NRCAM: variants seen among roughly 807,000 people sequenced by gnomAD.
NRCAM encodes the protein neuronal cell adhesion molecule.
Under a neutral mutation model 156.5 loss-of-function variants are expected in NRCAM, and 83 were observed. The observed-to-expected ratio is 0.53, with a 90% CI of 0.44 to 0.64. The LOEUF is 0.64. Among genes scored for constraint, NRCAM ranks in the 30% least tolerant of loss-of-function variants. The pLI is 0.00. For synonymous variants in NRCAM, 538 were observed against 563.9 expected, an observed-to-expected ratio of 0.95 and a Z score of 0.65; for missense variants, 1,417 against 1,597.3, an observed-to-expected ratio of 0.89 and a Z score of 1.92.
intron 4 of NRCAM, among the ~76,000 whole-genome samples, chr7:108,239,267 G>A (rs1373861850): frequency 6.6e-6 from 1 of 152,100 alleles, no homozygotes; most frequent in African/African-American, 2.4e-5. Context: ...AGTAGCTGTT[G>A]TTTGCTCCAT....
In NRCAM at chr7:108,415,604, G is replaced by A. The variant is rs558317522; in HGVS notation, c.-331-16011C>T. Among the ~76,000 whole-genome samples, 264 of 152,332 alleles carry A rather than the reference G, an allele frequency of 1.7e-3. 1 individual carries two copies. Among genetic ancestry groups the A allele is most frequent in the African/African-American group, 5.4e-3 (223 of 41,574 alleles). Reference sequence around the variant, plus strand: ...TACCCATAAAAAGGAGAAGAAGGCCGGGCGCAGTGGCTCATGCCTGTATCC... The same window carrying A: ...TACCCATAAAAAGGAGAAGAAGGCCAGGCGCAGTGGCTCATGCCTGTATCC... On this transcript the variant is annotated intron_variant, in intron 1 of 32. Transcript: ENST00000379028.
At chr7:108,436,108 T>C (rs1304822128) in intron 1 of NRCAM, among the ~76,000 whole-genome samples, 1 of 152,228 alleles carries the variant, frequency 6.6e-6, no homozygotes, top group Non-Finnish European at 1.5e-5. Flanking sequence ...CACTCCAGCC[T>C]GGGCGACAGA....
At chr7:108,436,440 CT>C (rs1198743789) in intron 1 of NRCAM, among the ~76,000 whole-genome samples, 1 of 152,010 alleles carries the variant, frequency 6.6e-6, no homozygotes, top group African/African-American at 2.4e-5. Context: ...GAGCTGTGGC[CT>C]TTAAGAGATA....
intron 3 of NRCAM, among the ~76,000 whole-genome samples, chr7:108,295,772 C>T (rs2098442038): frequency 6.6e-6 from 1 of 152,154 alleles, no homozygotes; most frequent in African/African-American, 2.4e-5. Context: ...CTAAACAGTC[C>T]ATCTTCATGA....
At chr7:108,152,412 T>TG (rs1181230700) in intron 32 of NRCAM, among the ~76,000 whole-genome samples, 3 of 150,832 alleles carry the variant, frequency 2.0e-5, no homozygotes, top group East Asian at 3.9e-4. Context: ...TTGGTGTGGC[T>TG]GGGGGGAGGG....
intron 1 of NRCAM, among the ~76,000 whole-genome samples, chr7:108,426,107 T>G (rs1260914854): frequency 6.6e-6 from 1 of 152,260 alleles, no homozygotes; most frequent in Non-Finnish European, 1.5e-5. Flanking sequence ...CTGAAGCAGG[T>G]CTGATTATGT....
At chr7:108,301,915 T>C (rs1229910749) in intron 3 of NRCAM, among the ~76,000 whole-genome samples, 1 of 152,156 alleles carries the variant, frequency 6.6e-6, no homozygotes, top group East Asian at 1.9e-4. Flanking sequence ...CTCAGCTTTG[T>C]ACATGCTCTA....
intron 12 of NRCAM, among the ~76,000 whole-genome samples, chr7:108,208,868 A>C (rs1426550822): frequency 6.6e-6 from 1 of 152,108 alleles, no homozygotes; most frequent in African/African-American, 2.4e-5. Flanking sequence ...AACATTCATC[A>C]CTTGGTTAAG....
chr7:108,283,309 C>T (rs1228499632), intron 3 of NRCAM, among the ~76,000 whole-genome samples: 2 of 152,110 alleles, frequency 1.3e-5, no homozygotes, highest in Non-Finnish European at 2.9e-5. Context: ...TGCTTTGCAA[C>T]TAAGCAGAAA....
intron 2 of NRCAM, among the ~76,000 whole-genome samples, chr7:108,396,672 T>C (rs1304949126): frequency 2.0e-5 from 3 of 152,250 alleles, no homozygotes; most frequent in Non-Finnish European, 4.4e-5. Flanking sequence ...AGTGTATGCA[T>C]GTATCAAAGA....
intron 1 of NRCAM, among the ~76,000 whole-genome samples, chr7:108,448,610 T>C (rs1316840029): frequency 6.6e-6 from 1 of 152,216 alleles, no homozygotes; most frequent in African/African-American, 2.4e-5. Context: ...TAATACATTC[T>C]AGTACCCTCT....
chr7:108,212,263 C>T (rs2084996750), intron 11 of NRCAM, among the ~76,000 whole-genome samples: 1 of 152,190 alleles, frequency 6.6e-6, no homozygotes, highest in Admixed American at 6.5e-5. Flanking sequence ...AGCCCTAGAC[C>T]TTCCCTCTGA....
At chr7:108,233,565 C>T (rs981747359) in intron 6 of NRCAM, among the ~76,000 whole-genome samples, 1 of 152,126 alleles carries the variant, frequency 6.6e-6, no homozygotes, top group African/African-American at 2.4e-5. Context: ...GAAAGGAAAC[C>T]TCATCAAGGG....
chr7:108,164,258 TAGTACGGGGA>T (rs1254393216), intron 30 of NRCAM, among the ~76,000 whole-genome samples: 1 of 147,724 alleles, frequency 6.8e-6, no homozygotes. Flanking sequence ...GTCATACCAG[TAGTACGGGGA>T]AGAAGCGCAG....
chr7:108,278,207 G>A (rs2097714974), intron 3 of NRCAM, among the ~76,000 whole-genome samples: 2 of 152,244 alleles, frequency 1.3e-5, no homozygotes, highest in Admixed American at 1.3e-4. Flanking sequence ...GGACCCACTG[G>A]AGAAGGCAGT....
intron 3 of NRCAM, among the ~76,000 whole-genome samples, chr7:108,249,167 C>T (rs2096174583): frequency 6.6e-6 from 1 of 152,208 alleles, no homozygotes; most frequent in African/African-American, 2.4e-5. Context: ...CAGATTACTA[C>T]AATCTTCCCA....
intron 13 of NRCAM, 74 bp from the exon 14 acceptor site, chr7:108,198,173 T>A: frequency 8.0e-7 from 1 of 1,247,216 alleles, no homozygotes; most frequent in Non-Finnish European, 1.1e-6. Context: ...GTAAAGTCAG[T>A]AGGACATAAA....
chr7:108,371,898 A>G (rs2099631064), intron 2 of NRCAM, among the ~76,000 whole-genome samples: 1 of 152,190 alleles, frequency 6.6e-6, no homozygotes, highest in African/African-American at 2.4e-5. Context: ...GCCACAAAAG[A>G]TCATGAATAG....
At position 108,184,802 on chromosome 7, in the gene NRCAM, T is replaced by C. The variant is rs751357192; in HGVS notation, c.2036-188A>G. On this transcript the variant is annotated intron_variant, in intron 20 of 32. Transcript: ENST00000379028. ...ATTATCCTCAACATATAAACACACA[T>C]GATAACATTTTAGTGGAAAAATGGC... 1.4e-3 allele frequency among the ~76,000 whole-genome samples: 218 copies of C among 152,222 alleles called. 4 individuals carry two copies. Among genetic ancestry groups the C allele is most frequent in the Non-Finnish European group, 7.1e-4 (48 of 68,012 alleles).
Sources: gnomAD v4.1 joint callset for allele counts (sites outside exome capture counted in the v4.1 genomes callset) on GRCh38, gnomAD v4.1.1 for gene constraint, MANE v1.5 for transcripts, NCBI Gene and HGNC (gene_info 2026-07-23, HGNC 2026-07-21) for gene names.